The following TMEM260 variants were observed in gnomAD, a reference collection of about 807,000 sequenced individuals.
The protein encoded by TMEM260 is protein O-mannosyl-transferase TMEM260.
TMEM260 carries 82 observed loss-of-function variants against 88.9 expected under a neutral mutation model. The observed-to-expected ratio is 0.92, with a 90% CI of 0.77 to 1.11. The LOEUF (loss-of-function observed/expected upper bound fraction) is 1.11. TMEM260 is among the 50% of genes least tolerant of loss of function. The pLI, the probability that TMEM260 is intolerant of heterozygous loss-of-function variation, is 0.00. For missense variants in TMEM260, 902 were observed against 853.4 expected (o/e 1.06, Z -0.71); for synonymous variants, 314 against 309.3 (o/e 1.02, Z -0.16).
chr14:56,634,872 G>C, intron 13 of TMEM260, 27 bp from the exon 14 acceptor site: 1 of 1,577,984 alleles, frequency 6.3e-7, no homozygotes, highest in South Asian at 1.2e-5. Context: ...GTGACAGAAA[G>C]ATATTACTGT....
chr14:56,603,831 G>A lies in TMEM260; in HGVS notation c.361G>A (p.Ala121Thr). 6.2e-7 allele frequency: 1 copy of A among 1,613,806 alleles called. No homozygotes were observed. The highest frequency in any genetic ancestry group is 8.5e-7 in the Non-Finnish European group (1 of 1,179,754). The part of the protein sequence containing the change: ...FTVFRLSGSS[A>T]GGILAAGVFS... ...TGTTTGCAGGCTTTCTGGCTCATCT[G>A]CTGGAGGAATCCTTGCTGCGGGGGT... Residue 121 changes from alanine to threonine, a missense_variant, in exon 4 of 16, where the codon GCT (alanine) becomes ACT (threonine). Coordinates refer to ENST00000261556, the MANE Select transcript of TMEM260 (RefSeq NM_017799.4).
intron 15 of TMEM260, among the ~76,000 whole-genome samples, chr14:56,637,695 G>A (rs942248161): frequency 6.6e-6 from 1 of 152,178 alleles, no homozygotes; most frequent in Non-Finnish European, 1.5e-5. Flanking sequence ...AGTGTTTGGT[G>A]CTAAGACAAA....
chr14:56,585,007 TGATCAC>T lies in TMEM260; in HGVS notation c.168_173del (p.Ile57_Thr58del), dbSNP rs751854144. Reference sequence around the variant, plus strand: ...TTACATTATTTTTTCACAGGGGAACTGATCACAGCCGCACATGAGCTTGGAGTAAGT... The same window carrying T: ...TTACATTATTTTTTCACAGGGGAACTAGCCGCACATGAGCTTGGAGTAAGT... On this transcript the variant is annotated inframe_deletion, in exon 2 of 16. Transcript: ENST00000261556. The T allele has an allele frequency of 1.9e-6, 3 of 1,612,214 alleles. No homozygotes were observed. The highest frequency in any genetic ancestry group is 1.3e-5 in the African/African-American group (1 of 74,978).
chr14:56,622,768 G>C (rs1594862037), intron 11 of TMEM260, among the ~76,000 whole-genome samples: 1 of 152,134 alleles, frequency 6.6e-6, no homozygotes, highest in Middle Eastern at 3.4e-3. Flanking sequence ...CAAATTATTA[G>C]GCATAGTACT....
At chr14:56,661,792 GT>G in the TMEM260 span, among the ~76,000 whole-genome samples, 20 of 152,124 alleles carry the variant, frequency 1.3e-4, 1 homozygote, top group East Asian at 3.9e-3. Flanking sequence ...TGAAACTTGA[GT>G]TTGTTGTTTA....
At chr14:56,653,741 CA>C (rs370392374), downstream of TMEM260, among the ~76,000 whole-genome samples, 22 of 97,910 alleles carry the variant, frequency 2.2e-4, no homozygotes, top group Non-Finnish European at 2.7e-4. Flanking sequence ...GTCTCCAAAA[CA>C]AAAAAAAAAA....
intron 15 of TMEM260, among the ~76,000 whole-genome samples, chr14:56,640,956 G>C (rs543861436): frequency 6.6e-6 from 1 of 152,124 alleles, no homozygotes; most frequent in South Asian, 2.1e-4. Flanking sequence ...AGAATAACAA[G>C]AAACAAACAA....
chr14:56,657,310 T>G, the TMEM260 span, among the ~76,000 whole-genome samples: 41 of 115,612 alleles, frequency 3.5e-4, no homozygotes, highest in African/African-American at 1.9e-3. Flanking sequence ...ACTTTTTTTT[T>G]TACTTTTTTA....
intron 7 of TMEM260, 157 bp downstream of exon 7, chr14:56,612,442 C>G (rs1206104029): frequency 1.5e-6 from 1 of 659,704 alleles, no homozygotes; most frequent in African/African-American, 1.8e-5. Context: ...TACAGTTGTC[C>G]CTCAGTATCC....
At chr14:56,627,062 G>T (rs1043171375) in intron 12 of TMEM260, among the ~76,000 whole-genome samples, 2 of 151,712 alleles carry the variant, frequency 1.3e-5, no homozygotes, top group Admixed American at 1.3e-4. Context: ...CTCATAAGAC[G>T]CATAATAATT....
At chr14:56,634,564 T>C (rs1280954482) in intron 13 of TMEM260, among the ~76,000 whole-genome samples, 2 of 152,176 alleles carry the variant, frequency 1.3e-5, no homozygotes, top group African/African-American at 4.8e-5. Context: ...AGATGATGGC[T>C]GGGCATGGTG....
intron 1 of TMEM260, among the ~76,000 whole-genome samples, chr14:56,584,229 A>G (rs1346196957): frequency 6.6e-6 from 1 of 152,160 alleles, no homozygotes; most frequent in Non-Finnish European, 1.5e-5. Flanking sequence ...TACATTTCCT[A>G]ATAGGTACTA....
chr14:56,652,298 C>T (rs116674036), downstream of TMEM260, among the ~76,000 whole-genome samples: 2,331 of 151,970 alleles, frequency 0.015, 65 homozygotes, highest in African/African-American at 0.053. Flanking sequence ...GAGTTTGAGA[C>T]CATCCTGGGC....
At position 56,625,544 on chromosome 14, in the gene TMEM260, TTATATAA is replaced by T. The variant is rs769495569; in HGVS notation, c.1547+17_1547+23del. 1 of 1,571,596 alleles carries T rather than the reference TTATATAA, an allele frequency of 6.4e-7. No homozygotes were observed. The highest frequency in any genetic ancestry group is 8.7e-7 in the Non-Finnish European group (1 of 1,150,262). Reference sequence around the variant, plus strand: ...AGTAAATAAACAGTAAGCATTCTTTTTATATAATAGCTTTTCTAAAATCTTAAGCTTT... The same window carrying T: ...AGTAAATAAACAGTAAGCATTCTTTTTAGCTTTTCTAAAATCTTAAGCTTT... On this transcript the variant is annotated intron_variant, in intron 12 of 15. Transcript: ENST00000261556.
chr14:56,609,958 T>G (rs536554858), intron 6 of TMEM260, among the ~76,000 whole-genome samples: 74 of 152,298 alleles, frequency 4.9e-4, no homozygotes, highest in African/African-American at 1.7e-3. Context: ...GTTTGTACTT[T>G]TGTGTCCTAC....
chr14:56,580,034 C>T lies in TMEM260; in HGVS notation c.120C>T (p.Phe40=), dbSNP rs779178713. The stretch of plus-strand genomic sequence containing the variant: ...TGTTCGCCGCCGTGGCCGCAGTGTT[C>T]ACCTTCACCCTGCCCCCTTCGGTAC... The part of the protein sequence containing the change: ...VAVFAAVAAV[F]TFTLPPSVPG... The change falls in exon 1 of 16, where the codon TTC becomes TTT. Residue 40 remains phenylalanine (F), a synonymous_variant. Transcript: ENST00000261556. 1.6e-4 allele frequency: 198 copies of T among 1,250,668 alleles called. No homozygotes were observed. The highest frequency in any genetic ancestry group is 1.9e-4 in the Non-Finnish European group (185 of 990,046). 77.5% of individuals were successfully genotyped at this position (1,250,668 alleles called of 1,614,324 possible).
At chr14:56,590,107 C>T (rs1281210101) in intron 3 of TMEM260, among the ~76,000 whole-genome samples, 1 of 152,126 alleles carries the variant, frequency 6.6e-6, no homozygotes, top group Non-Finnish European at 1.5e-5. Flanking sequence ...CTGTCTTGAT[C>T]CGTGGTTAAT....
At chr14:56,594,717 A>G (rs1886099005) in intron 3 of TMEM260, among the ~76,000 whole-genome samples, 1 of 152,188 alleles carries the variant, frequency 6.6e-6, no homozygotes, top group Non-Finnish European at 1.5e-5. Context: ...TTTCATTTAA[A>G]TCTCCTATTT....
At chr14:56,606,848 T>C (rs758685724) in intron 5 of TMEM260, among the ~76,000 whole-genome samples, 9 of 152,184 alleles carry the variant, frequency 5.9e-5, no homozygotes, top group Non-Finnish European at 1.0e-4. Flanking sequence ...TGAGCCGATA[T>C]CGCGCCACTG....
Sources: allele counts gnomAD v4.1 joint callset (sites outside exome capture counted in the v4.1 genomes callset), GRCh38; gene constraint gnomAD v4.1.1; transcripts MANE v1.5; gene names NCBI Gene and HGNC (gene_info 2026-07-23, HGNC 2026-07-21).